The following KIRREL1 variants were observed in gnomAD, a reference collection of about 807,000 sequenced individuals.
KIRREL1 encodes the protein kin of IRRE-like protein 1.
Under a neutral mutation model 83.3 loss-of-function variants are expected in KIRREL1, and 25 were observed. The observed-to-expected ratio is 0.30, with a 90% confidence interval of 0.22 to 0.42. The LOEUF (loss-of-function observed/expected upper bound fraction) is 0.42. Ranked by LOEUF, KIRREL1 falls within the 10% of genes least tolerant of loss-of-function variation. The pLI is 1.00. For synonymous variants in KIRREL1, 388 were observed against 410.4 expected (o/e 0.95, Z 0.66); for missense variants, 812 against 1,032.3 (o/e 0.79, Z 2.92).
chr1:158,071,733 C>T (rs561667198), intron 1 of KIRREL1, among the ~76,000 whole-genome samples: 4 of 152,178 alleles, frequency 2.6e-5, no homozygotes, highest in African/African-American at 7.2e-5. Context: ...GGCATAGGGA[C>T]GGGATTGAAA....
intron 1 of KIRREL1, among the ~76,000 whole-genome samples, chr1:158,045,287 G>A (rs995675952): frequency 1.3e-4 from 20 of 152,176 alleles, no homozygotes; most frequent in African/African-American, 3.6e-4. Flanking sequence ...CTGTGGGAAC[G>A]CCCAGAATCC....
intron 1 of KIRREL1, among the ~76,000 whole-genome samples, chr1:158,024,852 G>A (rs568484493): frequency 3.3e-5 from 5 of 152,234 alleles, no homozygotes; most frequent in Non-Finnish European, 5.9e-5. Context: ...GGAGGGGTGC[G>A]GAAAAACCAA....
chr1:158,041,581 C>G (rs552501653), intron 1 of KIRREL1, among the ~76,000 whole-genome samples: 1 of 152,184 alleles, frequency 6.6e-6, no homozygotes, highest in Non-Finnish European at 1.5e-5. Context: ...GGGACCCCTG[C>G]CCTCTGAGCC....
intron 3 of KIRREL1, among the ~76,000 whole-genome samples, chr1:158,082,924 C>G (rs1178073760): frequency 6.6e-6 from 1 of 152,194 alleles, no homozygotes; most frequent in Admixed American, 6.5e-5. Flanking sequence ...TTGATGAACA[C>G]TGGGGGGACC....
chr1:158,012,159 A>T (rs776402228), intron 1 of KIRREL1, among the ~76,000 whole-genome samples: 2 of 152,230 alleles, frequency 1.3e-5, no homozygotes, highest in Non-Finnish European at 2.9e-5. Context: ...AATAGGAGTC[A>T]GGTGACCTGG....
chr1:158,060,381 G>T (rs985566318), intron 1 of KIRREL1, among the ~76,000 whole-genome samples: 13 of 152,218 alleles, frequency 8.5e-5, no homozygotes, highest in African/African-American at 3.1e-4. Flanking sequence ...GCCCTGCACA[G>T]CTTAAGGCCC....
At chr1:158,042,874 C>A (rs751013589) in intron 1 of KIRREL1, among the ~76,000 whole-genome samples, 12 of 147,418 alleles carry the variant, frequency 8.1e-5, no homozygotes, top group Non-Finnish European at 1.3e-4. Context: ...GAGATCGAGA[C>A]CATCCTGGCT....
rs374948849 is a variant in KIRREL1, at chr1:158,076,002, C to G, written c.53-111C>G. 1.9e-5 allele frequency: 19 copies of G among 1,003,650 alleles called. 1 individual carries two copies. The African/African-American group carries it at 2.3e-4, about 12-fold the overall frequency. The allele number at this position is 1,003,650 out of a possible 1,614,324, so 62.2% of individuals were successfully genotyped here. A position where few individuals can be genotyped will look rare whatever the true frequency, so the allele number is the denominator to read the frequency against. The stretch of plus-strand genomic sequence containing the variant: ...TGAAGGGGGGCAGGGACCGGAGAGT[C>G]CCCATCCCCAACTGGAGGCTCTCCC... On this transcript the variant is annotated intron_variant, in intron 1 of 14. Coordinates refer to ENST00000359209, the MANE Select transcript of KIRREL1 (RefSeq NM_018240.7).
rs141560635 is a variant in KIRREL1, at chr1:158,079,237, A to G, written c.352+1097A>G. Among the ~76,000 whole-genome samples, 884 of 152,280 alleles carry G rather than the reference A, an allele frequency of 5.8e-3. 5 individuals are homozygous for G. The highest frequency in any genetic ancestry group is 0.011 in the South Asian group (53 of 4,824). ...TCACTGAATTTGCGGGGAGCCCCCAAGATGGATGGGAGAAAGGAGAGAGGA... is the reference window on the plus strand; with the variant it reads ...TCACTGAATTTGCGGGGAGCCCCCAGGATGGATGGGAGAAAGGAGAGAGGA... On this transcript the variant is annotated intron_variant, in intron 3 of 14. Coordinates refer to ENST00000359209, the MANE Select transcript of KIRREL1 (RefSeq NM_018240.7).
intron 10 of KIRREL1, among the ~76,000 whole-genome samples, chr1:158,090,504 C>T (rs755190030): frequency 1.3e-5 from 2 of 152,214 alleles, no homozygotes; most frequent in Non-Finnish European, 2.9e-5. Context: ...TTACCACGGC[C>T]GCCCGGGCAG....
At chr1:158,090,777 G>A (rs1407881018) in intron 10 of KIRREL1, among the ~76,000 whole-genome samples, 1 of 152,198 alleles carries the variant, frequency 6.6e-6, no homozygotes, top group Non-Finnish European at 1.5e-5. Flanking sequence ...CCTAAAGATT[G>A]AGTTATGCTT....
In KIRREL1 at chr1:158,034,971, C is replaced by T. The variant is rs141982746; in HGVS notation, c.53-41142C>T. Among the ~76,000 whole-genome samples the T allele has an allele frequency of 3.8e-4, 58 of 152,152 alleles. 1 individual carries two copies. The highest frequency in any genetic ancestry group is 1.1e-3 in the African/African-American group (45 of 41,482). ...CTCTCTATATTTTCTATTTAACAAA[C>T]ATCTTTACTGAACTGGTTGTGTGTG... On this transcript the variant is annotated intron_variant, in intron 1 of 14. Transcript: ENST00000359209.
intron 1 of KIRREL1, among the ~76,000 whole-genome samples, chr1:158,001,336 G>A (rs1659355057): frequency 6.6e-6 from 1 of 152,198 alleles, no homozygotes; most frequent in African/African-American, 2.4e-5. Flanking sequence ...CTTAATCTCA[G>A]TAGGCCTCAG....
Position 158,084,564 on chromosome 1 carries a change from C to T in KIRREL1, c.495C>T (p.Gly165=), listed in dbSNP as rs757446611. Residue 165 remains glycine (G), a synonymous_variant, in exon 4 of 15, where the codon GGC becomes GGT. Coordinates refer to ENST00000359209, the MANE Select transcript of KIRREL1 (RefSeq NM_018240.7). The part of the protein sequence containing the change: ...IWFRDGTQQE[G]AVASTELLKD... Reference sequence around the variant, plus strand: ...TCCGGGACGGGACGCAGCAGGAGGGCGCTGTGGCCAGCACGGTGAGCTCCA... The same window carrying T: ...TCCGGGACGGGACGCAGCAGGAGGGTGCTGTGGCCAGCACGGTGAGCTCCA... 71 of 1,551,672 alleles carry T rather than the reference C, an allele frequency of 4.6e-5. No individual in the cohort carries two copies. The highest frequency in any genetic ancestry group is 8.2e-5 in the African/African-American group (6 of 73,178).
At chr1:158,079,689 AAG>A (rs1249270211) in intron 3 of KIRREL1, among the ~76,000 whole-genome samples, 1 of 152,214 alleles carries the variant, frequency 6.6e-6, no homozygotes, top group Admixed American at 6.5e-5. Context: ...GCATAGTGGA[AAG>A]AGAGAGTCCT....
intron 1 of KIRREL1, among the ~76,000 whole-genome samples, chr1:157,999,866 T>A (rs1007803812): frequency 6.6e-5 from 10 of 152,128 alleles, no homozygotes; most frequent in Admixed American, 6.5e-4. Flanking sequence ...GGGGGAGAAA[T>A]CCGTTCACTT....
Position 158,087,845 on chromosome 1 carries a change from A to T in KIRREL1, c.752A>T (p.Glu251Val). The part of the protein sequence containing the change: ...VFTCQATANP[E>V]ILGYRWAKGG... ...ACCTGCCAGGCCACAGCCAACCCCG[A>T]GATCTTGGGCTACAGGTGAGGGGGT... Residue 251 changes from glutamate (E) to valine (V), a missense_variant, in exon 6 of 15, where the codon GAG becomes GTG. This residue lies in a region of KIRREL1 where 472 missense variants were observed against 626.8 expected (regional missense o/e 0.75). Coordinates refer to ENST00000359209, the MANE Select transcript of KIRREL1 (RefSeq NM_018240.7). The T allele has an allele frequency of 6.2e-7, 1 of 1,613,952 alleles. No homozygotes were observed. The highest frequency in any genetic ancestry group is 8.5e-7 in the Non-Finnish European group (1 of 1,179,922).
intron 1 of KIRREL1, among the ~76,000 whole-genome samples, chr1:158,033,361 C>G (rs1039542165): frequency 6.6e-6 from 1 of 152,172 alleles, no homozygotes; most frequent in African/African-American, 2.4e-5. Context: ...CGTGAGCCAC[C>G]GTGCTAGGCC....
intron 1 of KIRREL1, among the ~76,000 whole-genome samples, chr1:158,027,983 C>A (rs560781656): frequency 6.6e-6 from 1 of 152,234 alleles, no homozygotes; most frequent in East Asian, 1.9e-4. Context: ...AAAAGACCCA[C>A]GCTCCCACCT....
Sources: allele counts gnomAD v4.1 joint callset (sites outside exome capture counted in the v4.1 genomes callset), GRCh38; gene constraint gnomAD v4.1.1; regional missense constraint gnomAD v4.1.1; transcripts MANE v1.5; gene names NCBI Gene and HGNC (gene_info 2026-07-23, HGNC 2026-07-21).